The following UFL1 variants were observed in gnomAD, a reference collection of about 807,000 sequenced individuals.
The protein encoded by UFL1 is E3 UFM1-protein ligase 1.
A neutral mutation model predicts 99.3 loss-of-function variants in UFL1; 78 were observed. The observed-to-expected ratio is 0.79, with a 90% CI of 0.65 to 0.95. UFL1 has a LOEUF of 0.95. UFL1 is among the 40% of genes least tolerant of loss of function. The pLI is 0.00. For synonymous variants in UFL1, 335 were observed against 322.2 expected (o/e 1.04, Z -0.42); for missense variants, 936 against 937.0 (o/e 1.00, Z 0.01).
intron 5 of UFL1, among the ~76,000 whole-genome samples, chr6:96,527,791 A>C (rs1738427295): frequency 1.3e-5 from 2 of 152,178 alleles, no homozygotes; most frequent in South Asian, 4.1e-4. Flanking sequence ...GTATTCTAAA[A>C]GCTCATTAAG....
At chr6:96,545,788 T>C (rs1480859905) in intron 12 of UFL1, among the ~76,000 whole-genome samples, 1 of 151,172 alleles carries the variant, frequency 6.6e-6, no homozygotes, top group East Asian at 1.9e-4. Flanking sequence ...CAGTTTTAAA[T>C]GAAGTTAGAA....
At chr6:96,537,801 G>A (rs1460799269) in intron 9 of UFL1, among the ~76,000 whole-genome samples, 2 of 151,872 alleles carry the variant, frequency 1.3e-5, no homozygotes, top group African/African-American at 2.4e-5. Context: ...TGTTAATCCT[G>A]ATAAAGAATT....
intron 5 of UFL1, among the ~76,000 whole-genome samples, chr6:96,527,849 A>G (rs1769724983): frequency 6.6e-6 from 1 of 152,230 alleles, no homozygotes; most frequent in African/African-American, 2.4e-5. Context: ...AGCTGAGCTG[A>G]CTTGAGTAGA....
At chr6:96,549,957 A>G (rs1770055035) in intron 15 of UFL1, among the ~76,000 whole-genome samples, 158 bp downstream of exon 15, 1 of 151,862 alleles carries the variant, frequency 6.6e-6, no homozygotes, top group Non-Finnish European at 1.5e-5. Flanking sequence ...AGTACTATAT[A>G]TACAGTTGCT....
chr6:96,550,387 C>A (rs1010931592), intron 15 of UFL1, among the ~76,000 whole-genome samples: 3 of 151,746 alleles, frequency 2.0e-5, no homozygotes, highest in African/African-American at 7.3e-5. Flanking sequence ...TTCCTTCTTC[C>A]TCACCTCTCT....
intron 17 of UFL1, among the ~76,000 whole-genome samples, chr6:96,552,169 A>C (rs1255855944): frequency 2.0e-5 from 3 of 152,026 alleles, no homozygotes; most frequent in Non-Finnish European, 4.4e-5. Flanking sequence ...GGAACTTTTT[A>C]TTAGCTTGGG....
In UFL1 at chr6:96,549,554, G is replaced by T; in HGVS notation, c.1663G>T (p.Glu555Ter). The T allele has an allele frequency of 6.3e-7, 1 of 1,594,504 alleles. No individual in the cohort carries two copies. Among genetic ancestry groups the T allele is most frequent in the Non-Finnish European group, 8.5e-7 (1 of 1,172,730 alleles). ...CCTGTACAATAACATTAGGTTATTTGAAAAAGGGATGAAGTTTTTTGCAGG... is the reference window on the plus strand; with the variant it reads ...CCTGTACAATAACATTAGGTTATTTTAAAAAGGGATGAAGTTTTTTGCAGG... ...SNLYNNIRLF[E>*]KGMKFFADDT... The change falls in exon 14 of 19, where the codon GAA (glutamate) becomes TAA (stop). Residue 555 changes from glutamate (E) to a stop codon, truncating the protein, a stop_gained. Transcript: ENST00000369278. LOFTEE classifies it high-confidence loss of function.
intron 11 of UFL1, among the ~76,000 whole-genome samples, chr6:96,541,201 T>C (rs1448915175): frequency 6.6e-6 from 1 of 151,472 alleles, no homozygotes; most frequent in Admixed American, 6.6e-5. Context: ...ATGATGTGTT[T>C]TATTGTTTGG....
At chr6:96,536,421 T>C in intron 8 of UFL1, 31 bp downstream of exon 8, 2 of 1,567,648 alleles carry the variant, frequency 1.3e-6, no homozygotes, top group Admixed American at 1.7e-5. Context: ...AAACTAAAAT[T>C]TATTTTTAAC....
At chr6:96,522,190 GC>G (rs1769624526) in intron 1 of UFL1, among the ~76,000 whole-genome samples, 1 of 152,136 alleles carries the variant, frequency 6.6e-6, no homozygotes, top group Non-Finnish European at 1.5e-5. Flanking sequence ...ATGCTGGCGC[GC>G]CCCGCCCCAC....
rs1248310384 is a variant in UFL1, at chr6:96,548,109, TG to T, written c.1403-53del. On this transcript the variant is annotated intron_variant, in intron 12 of 18. Transcript: ENST00000369278. The stretch of plus-strand genomic sequence containing the variant: ...TAGTAATGGAGCCCTATTTGCCATT[TG>T]GTTGCATGTTTTTTATTTATTTATT... 4.2e-6 allele frequency: 5 copies of T among 1,183,672 alleles called. No homozygotes were observed. In the Admixed American group the frequency reaches 1.3e-4, roughly 30 times the overall value. The allele number at this position is 1,183,672 out of a possible 1,614,324, so 73.3% of individuals were successfully genotyped here.
Position 96,549,425 on chromosome 6 carries a change from A to G in UFL1, c.1534A>G (p.Thr512Ala). 6.3e-7 allele frequency: 1 copy of G among 1,595,666 alleles called. No individual in the cohort carries two copies. ...AEYLIKPLNKTYLEVVRSVFM... is the reference protein window; with the variant it reads ...AEYLIKPLNKAYLEVVRSVFM... ...TCTTATGCACAGACCTCTTAATAAA[A>G]CTTATCTCGAGGTGGTACGTTCAGT... The change falls in exon 14 of 19, where the codon ACT (threonine) becomes GCT (alanine). Residue 512 changes from threonine to alanine, a missense_variant. Coordinates refer to ENST00000369278, the MANE Select transcript of UFL1 (RefSeq NM_015323.5).
At chr6:96,552,768 C>T (rs1770101131) in intron 18 of UFL1, 106 bp downstream of exon 18, 26 of 995,496 alleles carry the variant, frequency 2.6e-5, no homozygotes, top group Non-Finnish European at 3.2e-5. Flanking sequence ...AATACATTAA[C>T]ATCAAAGCCC....
chr6:96,525,424 C>T (rs765040058), intron 4 of UFL1, 30 bp downstream of exon 4: 2 of 1,497,026 alleles, frequency 1.3e-6, no homozygotes, highest in Non-Finnish European at 1.8e-6. Flanking sequence ...AATTTAAGAG[C>T]ACTTTGTTTA....
At chr6:96,524,235 C>G in intron 2 of UFL1, 147 bp from the exon 3 acceptor site, 4 of 659,978 alleles carry the variant, frequency 6.1e-6, no homozygotes, top group Non-Finnish European at 1.0e-5. Context: ...TAGCCATCAG[C>G]TAATGGTGTG....
intron 6 of UFL1, among the ~76,000 whole-genome samples, chr6:96,533,499 AT>A (rs1389445558): frequency 6.6e-6 from 1 of 152,044 alleles, no homozygotes; most frequent in Non-Finnish European, 1.5e-5. Context: ...TATTAATTCC[AT>A]TTATGTTAAT....
chr6:96,543,019 A>G lies in UFL1; in HGVS notation c.1402+3A>G. 1 of 1,586,584 alleles carries G rather than the reference A, an allele frequency of 6.3e-7. No homozygotes were observed. Among genetic ancestry groups the G allele is most frequent in the Admixed American group, 1.8e-5 (1 of 55,994 alleles). On this transcript the variant is annotated splice_donor_region_variant and intron_variant, in intron 12 of 18. Coordinates refer to ENST00000369278, the MANE Select transcript of UFL1 (RefSeq NM_015323.5). Reference sequence around the variant, plus strand: ...TGAATCTCAATCATCCCACACTGGTAGGTAGCTTTTCTTTACTTTTCCTTG... The same window carrying G: ...TGAATCTCAATCATCCCACACTGGTGGGTAGCTTTTCTTTACTTTTCCTTG...
At chr6:96,524,777 A>G (rs1769675573) in intron 3 of UFL1, among the ~76,000 whole-genome samples, 1 of 152,152 alleles carries the variant, frequency 6.6e-6, no homozygotes, top group Non-Finnish European at 1.5e-5. Context: ...TGTTTTTAGT[A>G]TATGAAAGTA....
chr6:96,523,592 GTAT>G (rs1255785457), intron 2 of UFL1, among the ~76,000 whole-genome samples: 1 of 152,070 alleles, frequency 6.6e-6, no homozygotes, highest in Non-Finnish European at 1.5e-5. Context: ...TCAGGGAAGG[GTAT>G]TCAGCTGCCT....
Sources: allele counts gnomAD v4.1 joint callset (sites outside exome capture counted in the v4.1 genomes callset), GRCh38; gene constraint gnomAD v4.1.1; transcripts MANE v1.5; gene names NCBI Gene and HGNC (gene_info 2026-07-23, HGNC 2026-07-21).